The following ZNF491 variants were observed in gnomAD, a reference collection of about 807,000 sequenced individuals.
The protein encoded by ZNF491 is zinc finger protein 491.
In ZNF491, 22 loss-of-function variants were observed where a neutral mutation model predicts 34.7. The observed-to-expected ratio is 0.63, with a 90% CI of 0.45 to 0.90. The LOEUF (loss-of-function observed/expected upper bound fraction) is 0.90. Ranked by LOEUF, ZNF491 falls within the 40% of genes least tolerant of loss-of-function variation. The pLI is 0.00. For missense variants in ZNF491, 559 were observed against 531.7 expected (o/e 1.05, Z -0.51); for synonymous variants, 148 against 174.3 (o/e 0.85, Z 1.19).
chr19:11,803,792 A>C (rs1201241976), intron 1 of ZNF491, among the ~76,000 whole-genome samples: 1 of 152,124 alleles, frequency 6.6e-6, no homozygotes, highest in African/African-American at 2.4e-5. Context: ...TCTCCACTTT[A>C]AAGTTACTAT....
At chr19:11,805,146 A>C (rs924987172) in intron 2 of ZNF491, among the ~76,000 whole-genome samples, 4 of 152,238 alleles carry the variant, frequency 2.6e-5, no homozygotes, top group Non-Finnish European at 1.5e-5. Flanking sequence ...GTGGTGGCTC[A>C]CGCCTGTAAT....
chr19:11,799,164 G>C (rs909657332), intron 1 of ZNF491: 4 of 152,256 alleles, frequency 2.6e-5, no homozygotes, highest in Admixed American at 6.5e-5. Context: ...TGTGATTGAA[G>C]AAAAGGCTTT....
intron 1 of ZNF491, chr19:11,799,012 T>G (rs1975530447): frequency 6.5e-6 from 1 of 152,760 alleles, no homozygotes; most frequent in Non-Finnish European, 1.5e-5. Context: ...CTTCCCAGAT[T>G]GTGCGGGGGC....
intron 2 of ZNF491, among the ~76,000 whole-genome samples, chr19:11,805,202 G>A (rs1975595602): frequency 6.6e-6 from 1 of 152,012 alleles, no homozygotes. Flanking sequence ...CTGAGGTCGG[G>A]AGTTCAAGAC....
rs182952954 is a variant in ZNF491 at position 11,807,236 on chromosome 19, A to G, written c.1283A>G (p.Lys428Arg). 68 of 1,557,464 alleles carry G rather than the reference A, an allele frequency of 4.4e-5. No individual in the cohort carries two copies. In the East Asian group the frequency reaches 1.2e-3, roughly 27 times the overall value. Reference protein sequence around the residue: ...KAFIRSSYCRKHERTHTINI With the variant: ...KAFIRSSYCRRHERTHTINI ...TTCATTCGTTCCAGTTACTGTCGAAAACATGAAAGAACTCACACTATTAAT... is the reference window on the plus strand; with the variant it reads ...TTCATTCGTTCCAGTTACTGTCGAAGACATGAAAGAACTCACACTATTAAT... The change falls in exon 3 of 3, where the codon AAA becomes AGA. Residue 428 changes from lysine to arginine, a missense_variant. Lys to Arg is a conservative substitution (Grantham distance 26). Transcript: ENST00000323169.
chr19:11,805,739 G>A (rs1378436035), intron 2 of ZNF491, among the ~76,000 whole-genome samples: 4 of 151,990 alleles, frequency 2.6e-5, no homozygotes, highest in African/African-American at 9.7e-5. Flanking sequence ...CCAACTTTCT[G>A]GGGAGTCTGA....
chr19:11,798,719 A>G lies in ZNF491; in HGVS notation c.-142A>G, dbSNP rs1975526861. 1 of 152,382 alleles carries G rather than the reference A, an allele frequency of 6.6e-6. No individual in the cohort carries two copies. Among genetic ancestry groups the G allele is most frequent in the African/African-American group, 2.4e-5 (1 of 41,464 alleles). 9.4% of individuals were successfully genotyped at this position (152,382 alleles called of 1,614,324 possible). ...AGAGGACGCCGGGACACCAAGAAGC[A>G]GGGAAATGGTAAAGTGCCCGGCCTA... On this transcript the variant is annotated 5_prime_UTR_variant, in exon 1 of 3. Coordinates refer to ENST00000323169, the MANE Select transcript of ZNF491 (RefSeq NM_152356.4). The surrounding 1 kb of genome is among the most constrained non-coding windows in gnomAD (Gnocchi z 4.0).
intron 2 of ZNF491, 72 bp from the exon 3 acceptor site, chr19:11,805,875 T>C: frequency 7.9e-7 from 1 of 1,257,950 alleles, no homozygotes; most frequent in Non-Finnish European, 1.1e-6. Flanking sequence ...AAAATGCAAG[T>C]GTAATACTTA....
rs1975610572 is a variant in ZNF491, at chr19:11,806,264, A to T, written c.311A>T (p.Asp104Val). 6.2e-7 allele frequency: 1 copy of T among 1,607,324 alleles called. No individual in the cohort carries two copies. Among genetic ancestry groups the T allele is most frequent in the Non-Finnish European group, 8.5e-7 (1 of 1,178,258 alleles). The change falls in exon 3 of 3, where the codon GAT (aspartate) becomes GTT (valine). Residue 104 changes from aspartate to valine, a missense_variant. Coordinates refer to ENST00000323169, the MANE Select transcript of ZNF491 (RefSeq NM_152356.4). ...CCTCACACTAGAGAGAAACCTTTTGATTGTAAGGAATGTGAAAAATCTTTC... is the reference window on the plus strand; with the variant it reads ...CCTCACACTAGAGAGAAACCTTTTGTTTGTAAGGAATGTGAAAAATCTTTC... Reference protein sequence around the residue: ...ERPHTREKPFDCKECEKSFIS... With the variant: ...ERPHTREKPFVCKECEKSFIS...
intron 2 of ZNF491, 116 bp from the exon 3 acceptor site, chr19:11,805,831 A>T: frequency 1.2e-6 from 1 of 854,908 alleles, no homozygotes; most frequent in Non-Finnish European, 1.8e-6. Flanking sequence ...TGGGTAACAG[A>T]GTGAGACTTT....
rs1160292626 is a variant in ZNF491, at chr19:11,806,947, T to C, written c.994T>C (p.Cys332Arg). 2.5e-6 allele frequency: 4 copies of C among 1,613,426 alleles called. No homozygotes were observed. The highest frequency in any genetic ancestry group is 3.4e-6 in the Non-Finnish European group (4 of 1,179,790). The stretch of plus-strand genomic sequence containing the variant: ...AGAGAAACCCGATGGGTGTAAGCAA[T>C]GTGGGAAAGCCTTCAGATCTGCCAA... ...TGEKPDGCKQ[C>R]GKAFRSAKYI... is the part of the protein sequence containing the mutation. The change falls in exon 3 of 3, where the codon TGT becomes CGT. Residue 332 changes from cysteine (C) to arginine (R), a missense_variant. Cys to Arg is a radical substitution (Grantham distance 180). Coordinates refer to ENST00000323169, the MANE Select transcript of ZNF491 (RefSeq NM_152356.4).
rs748459365 is a variant in ZNF491, at chr19:11,806,774, A to G, written c.821A>G (p.Lys274Arg). 11 of 1,613,010 alleles carry G rather than the reference A, an allele frequency of 6.8e-6. No individual in the cohort carries two copies. The highest frequency in any genetic ancestry group is 9.3e-6 in the Non-Finnish European group (11 of 1,179,644). The part of the protein sequence containing the change: ...MHTGERPHKC[K>R]ICGKAFYSPS... ...ACTGGAGAGAGGCCTCATAAATGTAAGATATGTGGGAAAGCCTTTTACTCT... is the reference window on the plus strand; with the variant it reads ...ACTGGAGAGAGGCCTCATAAATGTAGGATATGTGGGAAAGCCTTTTACTCT... The change falls in exon 3 of 3, where the codon AAG becomes AGG. Residue 274 changes from lysine to arginine, a missense_variant. By Grantham distance (26) the Lys-to-Arg change is conservative (BLOSUM62 2). Transcript: ENST00000323169.
intron 2 of ZNF491, 77 bp downstream of exon 2, chr19:11,804,744 T>G (rs1975591074): frequency 4.1e-6 from 3 of 724,850 alleles, no homozygotes; most frequent in Non-Finnish European, 5.6e-6. Context: ...TTCAGGGATT[T>G]GGAATATGGA....
intron 1 of ZNF491, among the ~76,000 whole-genome samples, chr19:11,799,614 C>A (rs1282741517): frequency 6.6e-6 from 1 of 151,368 alleles, no homozygotes; most frequent in South Asian, 2.1e-4. Context: ...CATGGCGAGA[C>A]CCCGTCTGTA....
chr19:11,804,525 CAT>C lies in ZNF491; in HGVS notation c.-133-16_-133-15del, dbSNP rs1405492236. Reference sequence around the variant, plus strand: ...TCACTCTCACCCATCCTCCTCTACACATGTGAGATGTTTCAGGACCCAGTGGC... The same window carrying C: ...TCACTCTCACCCATCCTCCTCTACACGTGAGATGTTTCAGGACCCAGTGGC... On this transcript the variant is annotated splice_polypyrimidine_tract_variant and intron_variant, in intron 1 of 2. Coordinates refer to ENST00000323169, the MANE Select transcript of ZNF491 (RefSeq NM_152356.4). 6.5e-7 allele frequency: 1 copy of C among 1,545,480 alleles called. No individual in the cohort carries two copies. Among genetic ancestry groups the C allele is most frequent in the African/African-American group, 1.4e-5 (1 of 70,450 alleles).
chr19:11,800,301 G>C (rs1012473758), intron 1 of ZNF491, among the ~76,000 whole-genome samples: 1 of 152,098 alleles, frequency 6.6e-6, no homozygotes, highest in Non-Finnish European at 1.5e-5. Flanking sequence ...CCCTCTCCCA[G>C]CCTAGTTCTT....
At chr19:11,801,751 A>G (rs947193459) in intron 1 of ZNF491, among the ~76,000 whole-genome samples, 3 of 152,260 alleles carry the variant, frequency 2.0e-5, no homozygotes, top group Non-Finnish European at 4.4e-5. Context: ...ACAATTTTAT[A>G]TAACTTCTCT....
At position 11,806,619 on chromosome 19, in the gene ZNF491, A is replaced by G; in HGVS notation, c.666A>G (p.Lys222=). The change falls in exon 3 of 3, where the codon AAA becomes AAG. Residue 222 remains lysine (K), a synonymous_variant. Transcript: ENST00000323169. ...CGTACAAATGTAAGGAATGTGGGAA[A>G]GCCTTCAATTGTCCCAGTTCTTTTC... is the stretch of plus-strand genomic sequence containing the variant. ...EKPYKCKECG[K]AFNCPSSFHR... The G allele has an allele frequency of 6.2e-7, 1 of 1,614,070 alleles. No individual in the cohort carries two copies.
intron 1 of ZNF491, among the ~76,000 whole-genome samples, chr19:11,804,013 A>C (rs542677202): frequency 1.3e-5 from 2 of 151,238 alleles, no homozygotes; most frequent in Non-Finnish European, 2.9e-5. Context: ...GACCAGCCTG[A>C]CCAACATGGT....
Sources: gnomAD v4.1 joint callset for allele counts (sites outside exome capture counted in the v4.1 genomes callset) on GRCh38, gnomAD v4.1.1 for gene constraint, Gnocchi (gnomAD v3.1) non-coding constraint, MANE v1.5 for transcripts, NCBI Gene and HGNC (gene_info 2026-07-23, HGNC 2026-07-21) for gene names.